STAU2: variants seen among roughly 807,000 people sequenced by gnomAD.
STAU2 encodes the protein double-stranded RNA-binding protein Staufen homolog 2.
Under a neutral mutation model 65.9 loss-of-function variants are expected in STAU2, and 20 were observed. The ratio of observed to expected loss-of-function variants is 0.30; its 90% CI spans 0.21 to 0.44. STAU2 has a LOEUF of 0.44. STAU2 is among the 20% of genes least tolerant of loss of function. The pLI is 1.00. For synonymous variants in STAU2, 232 were observed against 233.9 expected, an observed-to-expected ratio of 0.99 and a Z score of 0.07; for missense variants, 558 against 683.9, an observed-to-expected ratio of 0.82 and a Z score of 2.05.
At chr8:73,537,717 T>C (rs1330758335) in intron 13 of STAU2, among the ~76,000 whole-genome samples, 6 of 152,194 alleles carry the variant, frequency 3.9e-5, no homozygotes, top group African/African-American at 7.2e-5. Flanking sequence ...AATTAAGTTA[T>C]TGAAACAGAA....
chr8:73,735,558 C>T (rs1172884862), intron 3 of STAU2, among the ~76,000 whole-genome samples: 3 of 152,090 alleles, frequency 2.0e-5, no homozygotes, highest in Admixed American at 6.5e-5. Flanking sequence ...TTTGGATTTT[C>T]GATTTTTGGA....
chr8:73,723,486 T>C (rs1821824284), intron 3 of STAU2, among the ~76,000 whole-genome samples: 1 of 152,252 alleles, frequency 6.6e-6, no homozygotes, highest in Non-Finnish European at 1.5e-5. Flanking sequence ...TTCTTCTGTA[T>C]ATTATGTCCC....
intron 13 of STAU2, chr8:73,458,708 T>C (rs1819197809): frequency 6.6e-6 from 1 of 152,244 alleles, no homozygotes; most frequent in Admixed American, 6.5e-5. Context: ...CCTTGTCAGG[T>C]ATATTCTCAA....
chr8:73,508,427 A>T (rs1385531303), intron 13 of STAU2, among the ~76,000 whole-genome samples: 1 of 152,314 alleles, frequency 6.6e-6, no homozygotes, highest in African/African-American at 2.4e-5. Flanking sequence ...GAACATTTAT[A>T]AAGTTCACCA....
chr8:73,506,120 A>T (rs188420814), intron 13 of STAU2, among the ~76,000 whole-genome samples: 8 of 152,318 alleles, frequency 5.3e-5, no homozygotes, highest in Non-Finnish European at 5.9e-5. Context: ...TAAATTACTC[A>T]GCCTCAGGTA....
intron 5 of STAU2, among the ~76,000 whole-genome samples, chr8:73,684,426 G>A (rs946552718): frequency 2.6e-5 from 4 of 152,140 alleles, no homozygotes; most frequent in African/African-American, 9.7e-5. Flanking sequence ...AATGAAACTG[G>A]ATCCTCATCT....
chr8:73,687,836 T>A (rs1194606038), intron 5 of STAU2, among the ~76,000 whole-genome samples: 2 of 151,864 alleles, frequency 1.3e-5, no homozygotes, highest in African/African-American at 4.8e-5. Context: ...CTCGGCCTCC[T>A]GAGTAGCTGG....
chr8:73,481,501 AAAAAAACAAAAAAAC>A (rs1244313510), intron 13 of STAU2, among the ~76,000 whole-genome samples: 2 of 70,170 alleles, frequency 2.9e-5, no homozygotes, highest in African/African-American at 1.2e-4. Flanking sequence ...AAAATAAGCC[AAAAAAACAAAAAAAC>A]AAAAAAAAAA....
chr8:73,619,202 C>T (rs1229581027), intron 6 of STAU2, among the ~76,000 whole-genome samples: 2 of 151,982 alleles, frequency 1.3e-5, no homozygotes, highest in East Asian at 3.9e-4. Context: ...GATGTCCTTC[C>T]TGAAAGTCAA....
At chr8:73,458,970 T>G (rs1310053991) in intron 13 of STAU2, among the ~76,000 whole-genome samples, 1 of 152,230 alleles carries the variant, frequency 6.6e-6, no homozygotes, top group African/African-American at 2.4e-5. Flanking sequence ...CAACAGTGCA[T>G]TATAAAACAT....
rs534087765 is a variant in STAU2 at position 73,425,023 on chromosome 8, T to C, written c.1531-2321A>G. On this transcript the variant is annotated intron_variant, in intron 13 of 14. Transcript: ENST00000524300. ...TCCTGATCCTGGCCCATGCTCATGC[T>C]GGACAACAGCCAGGTGGGTTTTGAT... 1.5e-3 allele frequency among the ~76,000 whole-genome samples: 233 copies of C among 152,270 alleles called. 1 individual carries two copies. Among genetic ancestry groups the C allele is most frequent in the Non-Finnish European group, 1.3e-3 (89 of 68,022 alleles).
At chr8:73,665,756 G>A (rs776810557) in intron 6 of STAU2, among the ~76,000 whole-genome samples, 19 of 152,040 alleles carry the variant, frequency 1.2e-4, no homozygotes, top group Admixed American at 2.6e-4. Context: ...TTGTTTCCAG[G>A]ACCTTCACCC....
chr8:73,441,294 C>G (rs1011159129), intron 13 of STAU2: 3 of 152,166 alleles, frequency 2.0e-5, no homozygotes, highest in Non-Finnish European at 4.4e-5. Flanking sequence ...AATCCCAGCA[C>G]TTTGGGAGGC....
chr8:73,571,390 A>G (rs1419589724), intron 12 of STAU2, among the ~76,000 whole-genome samples: 3 of 152,224 alleles, frequency 2.0e-5, no homozygotes, highest in Non-Finnish European at 4.4e-5. Flanking sequence ...CTCTGCACCA[A>G]GTGGACCTAA....
rs536313816 is a variant in STAU2, at chr8:73,733,245, T to C, written c.-18+5039A>G. Among the ~76,000 whole-genome samples the C allele has an allele frequency of 2.0e-5, 3 of 152,244 alleles. No individual in the cohort carries two copies. The South Asian group carries it at 6.2e-4, about 32-fold the overall frequency. On this transcript the variant is annotated intron_variant, in intron 3 of 14. Coordinates refer to ENST00000524300, the MANE Select transcript of STAU2 (RefSeq NM_001164380.2). ...ACCAGATTATTTTGATCCCTGTAAA[T>C]TCCCAGTTGCTAGGCTCTCCCAATA...
chr8:73,440,014 G>C (rs1818015227), intron 13 of STAU2: 1 of 152,244 alleles, frequency 6.6e-6, no homozygotes, highest in African/African-American at 2.4e-5. Context: ...CGAAGCTCAG[G>C]GTGCAGGACC....
At chr8:73,450,851 G>C (rs182337745) in intron 13 of STAU2, among the ~76,000 whole-genome samples, 2 of 152,288 alleles carry the variant, frequency 1.3e-5, no homozygotes, top group African/African-American at 4.8e-5. Context: ...CTATTGTTAT[G>C]TATCAAGACA....
intron 13 of STAU2, chr8:73,439,993 C>G (rs940563414): frequency 1.3e-5 from 2 of 152,268 alleles, no homozygotes; most frequent in African/African-American, 4.8e-5. Flanking sequence ...TGTCCTGGAG[C>G]CTCTTAAGAG....
At chr8:73,466,250 G>T (rs76762546) in intron 13 of STAU2, among the ~76,000 whole-genome samples, 3 of 152,264 alleles carry the variant, frequency 2.0e-5, no homozygotes, top group East Asian at 3.9e-4. Context: ...TAGACTCATG[G>T]AGTTACCCAT....
Sources: gnomAD v4.1 joint callset for allele counts (sites outside exome capture counted in the v4.1 genomes callset) on GRCh38, gnomAD v4.1.1 for gene constraint, MANE v1.5 for transcripts, NCBI Gene and HGNC (gene_info 2026-07-23, HGNC 2026-07-21) for gene names.